REV3L: variants seen among roughly 807,000 people sequenced by gnomAD.
REV3L encodes the protein DNA polymerase zeta catalytic subunit.
In REV3L, 69 loss-of-function variants were observed where a neutral mutation model predicts 299.4. That is an observed-to-expected ratio of 0.23 (90% CI 0.19 to 0.28). The LOEUF is 0.28. Among genes scored for constraint, REV3L ranks in the 10% least tolerant of loss-of-function variants. REV3L has a pLI of 1.00. For synonymous variants in REV3L, 1,238 were observed against 1,271.4 expected (o/e 0.97, Z 0.56); for missense variants, 3,128 against 3,693.8 (o/e 0.85, Z 3.97).
chr6:111,452,256 G>A (rs1418156832), intron 1 of REV3L, among the ~76,000 whole-genome samples: 4 of 152,102 alleles, frequency 2.6e-5, no homozygotes, highest in Non-Finnish European at 5.9e-5. Flanking sequence ...TGAGTTGCTG[G>A]AGCTAATGCA....
chr6:111,462,706 G>A (rs1273711250), intron 1 of REV3L, among the ~76,000 whole-genome samples: 3 of 152,142 alleles, frequency 2.0e-5, no homozygotes, highest in African/African-American at 4.8e-5. Context: ...TCTGGTGGGA[G>A]TATAGATTGG....
chr6:111,321,830 C>G (rs916468889), intron 26 of REV3L, among the ~76,000 whole-genome samples: 5 of 152,140 alleles, frequency 3.3e-5, no homozygotes, highest in African/African-American at 1.2e-4. Flanking sequence ...CACTGTGACT[C>G]TACGTCCCCA....
chr6:111,364,717 G>A (rs1165339554), intron 15 of REV3L, among the ~76,000 whole-genome samples: 1 of 151,932 alleles, frequency 6.6e-6, no homozygotes, highest in Non-Finnish European at 1.5e-5. Context: ...AAGGATGTAT[G>A]TCTAATGTAT....
chr6:111,463,570 GA>G (rs1791055235), intron 1 of REV3L, among the ~76,000 whole-genome samples: 1 of 152,124 alleles, frequency 6.6e-6, no homozygotes, highest in African/African-American at 2.4e-5. Flanking sequence ...TAGAATTGAT[GA>G]AATACAGAAT....
At chr6:111,447,486 G>C (rs1381559479) in intron 1 of REV3L, among the ~76,000 whole-genome samples, 1 of 152,154 alleles carries the variant, frequency 6.6e-6, no homozygotes, top group Admixed American at 6.5e-5. Context: ...CAAAGTCTAA[G>C]ACCTGATTAA....
intron 9 of REV3L, among the ~76,000 whole-genome samples, chr6:111,385,139 A>ATGGT (rs1781220367): frequency 6.6e-6 from 1 of 152,052 alleles, no homozygotes; most frequent in African/African-American, 2.4e-5. Flanking sequence ...GGAAGTGGGG[A>ATGGT]TGGTTAATGA....
At position 111,369,695 on chromosome 6, in the gene REV3L, CAA is replaced by C. The variant is rs1227604193; in HGVS notation, c.5760-1669_5760-1668del. On this transcript the variant is annotated intron_variant, in intron 13 of 31. Transcript: ENST00000368802. Reference sequence around the variant, plus strand: ...TATAGTAAGATCACACTTCACAAAACAAAACAAACTAAAAACTATACTTTTTA... The same window carrying C: ...TATAGTAAGATCACACTTCACAAAACAACAAACTAAAAACTATACTTTTTA... Among the ~76,000 whole-genome samples, 11 of 151,768 alleles carry C rather than the reference CAA, an allele frequency of 7.2e-5. No homozygotes were observed. The East Asian group carries it at 2.1e-3, about 29-fold the overall frequency.
intron 3 of REV3L, among the ~76,000 whole-genome samples, chr6:111,410,508 A>G (rs766951210): frequency 2.0e-5 from 3 of 152,256 alleles, no homozygotes; most frequent in African/African-American, 4.8e-5. Context: ...GTGTGAGAGA[A>G]TAAGAGTCCA....
Position 111,374,125 on chromosome 6 carries a change from C to T in REV3L, c.4230G>A (p.Lys1410=). ...LSEYRNSLES[K]LDQAYTPNFL... is the part of the protein sequence containing the mutation. Reference sequence around the variant, plus strand: ...AATTAGGGGTATATGCTTGGTCCAGCTTTGATTCTAGGGAATTGCGATATT... The same window carrying T: ...AATTAGGGGTATATGCTTGGTCCAGTTTTGATTCTAGGGAATTGCGATATT... Residue 1410 remains lysine, a synonymous_variant, in exon 13 of 32, where the codon AAG becomes AAA. Coordinates refer to ENST00000368802, the MANE Select transcript of REV3L (RefSeq NM_001372078.1). The T allele has an allele frequency of 6.2e-7, 1 of 1,614,128 alleles. No individual in the cohort carries two copies. The highest frequency in any genetic ancestry group is 8.5e-7 in the Non-Finnish European group (1 of 1,179,992).
At chr6:111,301,684 T>C (rs1771549527) in intron 31 of REV3L, among the ~76,000 whole-genome samples, 2 of 152,134 alleles carry the variant, frequency 1.3e-5, no homozygotes, top group Non-Finnish European at 2.9e-5. Flanking sequence ...TCCCAGATGA[T>C]TTGGATGTAT....
At chr6:111,390,202 A>T (rs1315611005) in intron 5 of REV3L, 22 bp from the exon 6 acceptor site, 2 of 1,430,296 alleles carry the variant, frequency 1.4e-6, no homozygotes, top group East Asian at 4.6e-5. Context: ...GGATATAAAA[A>T]ACATAATAAT....
intron 25 of REV3L, among the ~76,000 whole-genome samples, chr6:111,328,417 A>G (rs113676989): frequency 6.6e-6 from 1 of 152,282 alleles, no homozygotes; most frequent in African/African-American, 2.4e-5. Context: ...TGACATTTGG[A>G]CAAGCCAACA....
At chr6:111,444,431 A>T (rs1450277433) in intron 1 of REV3L, among the ~76,000 whole-genome samples, 1 of 152,200 alleles carries the variant, frequency 6.6e-6, no homozygotes, top group African/African-American at 2.4e-5. Context: ...AAATACCACA[A>T]ATTAAAAGAC....
chr6:111,411,346 C>T lies in REV3L; in HGVS notation c.404+134G>A. Reference sequence around the variant, plus strand: ...TCCAAGCCACTGGTCTCTCTCTATACACGTACATGTGTATTTTACGGTCTC... The same window carrying T: ...TCCAAGCCACTGGTCTCTCTCTATATACGTACATGTGTATTTTACGGTCTC... On this transcript the variant is annotated intron_variant, in intron 3 of 31. Coordinates refer to ENST00000368802, the MANE Select transcript of REV3L (RefSeq NM_001372078.1). 9.6e-6 allele frequency: 6 copies of T among 626,612 alleles called. No homozygotes were observed. In the South Asian group the frequency reaches 1.2e-4, roughly 12 times the overall value. 38.8% of individuals were successfully genotyped at this position (626,612 alleles called of 1,614,324 possible). A position where few individuals can be genotyped will look rare whatever the true frequency, so the allele number is the denominator to read the frequency against.
chr6:111,401,734 G>A (rs999345156), intron 4 of REV3L, among the ~76,000 whole-genome samples: 1 of 152,152 alleles, frequency 6.6e-6, no homozygotes, highest in Non-Finnish European at 1.5e-5. Flanking sequence ...AAAATTACTA[G>A]CATGCTGGAG....
At chr6:111,353,635 T>A (rs959267935) in intron 18 of REV3L, 1 of 152,198 alleles carries the variant, frequency 6.6e-6, no homozygotes, top group Non-Finnish European at 1.5e-5. Flanking sequence ...AGGGTTGACA[T>A]TTCTGAGAAA....
At chr6:111,442,700 GCT>G (rs916044185) in intron 1 of REV3L, among the ~76,000 whole-genome samples, 3 of 152,076 alleles carry the variant, frequency 2.0e-5, no homozygotes, top group African/African-American at 7.2e-5. Context: ...CCCCTAACCT[GCT>G]CTCTTTTGGC....
At chr6:111,454,630 A>G (rs1583052995) in intron 1 of REV3L, among the ~76,000 whole-genome samples, 1 of 152,110 alleles carries the variant, frequency 6.6e-6, no homozygotes, top group Non-Finnish European at 1.5e-5. Flanking sequence ...GGTATCTCAT[A>G]TAAGTGGAAT....
chr6:111,472,116 T>G (rs1241230151), intron 1 of REV3L: 4 of 1,281,360 alleles, frequency 3.1e-6, no homozygotes, highest in Non-Finnish European at 4.1e-6. Context: ...AGGTTGCTTT[T>G]ATGTGGCTTG....
Sources: allele counts gnomAD v4.1 joint callset (sites outside exome capture counted in the v4.1 genomes callset), GRCh38; gene constraint gnomAD v4.1.1; transcripts MANE v1.5; gene names NCBI Gene and HGNC (gene_info 2026-07-23, HGNC 2026-07-21).